Variants in DPP6 observed in about 807,000 individuals in gnomAD.
The protein encoded by DPP6 is dipeptidyl peptidase like 6, also known as A-type potassium channel modulatory protein DPP6.
In DPP6, 69 loss-of-function variants were observed where a neutral mutation model predicts 122.6. The ratio of observed to expected loss-of-function variants is 0.56; its 90% confidence interval spans 0.46 to 0.69. The LOEUF is 0.69. Among genes scored for constraint, DPP6 ranks in the 30% least tolerant of loss-of-function variants. The pLI, the probability that DPP6 is intolerant of heterozygous loss-of-function variation, is 0.00. For synonymous variants in DPP6, 418 were observed against 433.1 expected, an observed-to-expected ratio of 0.97 and a Z score of 0.43; for missense variants, 928 against 1,116.9, an observed-to-expected ratio of 0.83 and a Z score of 2.41.
intron 1 of DPP6, among the ~76,000 whole-genome samples, chr7:153,926,950 A>T (rs1800929657): frequency 6.6e-6 from 1 of 152,234 alleles, no homozygotes; most frequent in East Asian, 1.9e-4. Flanking sequence ...AAGAAATTCC[A>T]AAGTAAAAGT....
At chr7:154,717,648 G>A (rs548856410) in intron 7 of DPP6, among the ~76,000 whole-genome samples, 25 of 152,186 alleles carry the variant, frequency 1.6e-4, no homozygotes, top group African/African-American at 5.5e-4. Flanking sequence ...TTCATCCATC[G>A]ATGGACACTT....
chr7:154,893,190 A>C lies in DPP6; in HGVS notation c.*710A>C. 3.5e-6 allele frequency: 1 copy of C among 287,560 alleles called. No homozygotes were observed. The highest frequency in any genetic ancestry group is 5.4e-5 in the Admixed American group (1 of 18,402). The allele number at this position is 287,560 out of a possible 1,614,324, so 17.8% of individuals were successfully genotyped here. ...TTTCCTTTCTCCAGTCCACGTGTAG[A>C]CTTTGCGCTTGATGAAGAAGCAGAT... On this transcript the variant is annotated 3_prime_UTR_variant, in exon 26 of 26. Transcript: ENST00000377770.
rs891999630 is a variant in DPP6 at position 153,946,466 on chromosome 7, C to T, written c.51+58732C>T. 8.5e-5 allele frequency among the ~76,000 whole-genome samples: 13 copies of T among 152,064 alleles called. 1 individual carries two copies. The highest frequency in any genetic ancestry group is 8.5e-4 in the Admixed American group (13 of 15,254). On this transcript the variant is annotated intron_variant, in intron 1 of 25. Coordinates refer to the DPP6 transcript ENST00000404039. Reference sequence around the variant, plus strand: ...TTCAGCATGCGAATGCATTATAATTCAAGCAGTGAGGGGTCACTTTCATTG... The same window carrying T: ...TTCAGCATGCGAATGCATTATAATTTAAGCAGTGAGGGGTCACTTTCATTG...
At chr7:154,364,014 CTGT>C (rs1368570208) in intron 1 of DPP6, among the ~76,000 whole-genome samples, 6 of 152,206 alleles carry the variant, frequency 3.9e-5, no homozygotes, top group Non-Finnish European at 7.3e-5. Flanking sequence ...AGTGTGTTGT[CTGT>C]CCAGCCCTTT....
intron 3 of DPP6, among the ~76,000 whole-genome samples, chr7:154,499,464 A>G (rs1825038232): frequency 6.6e-6 from 1 of 152,188 alleles, no homozygotes; most frequent in Non-Finnish European, 1.5e-5. Flanking sequence ...ATGTCCCTGC[A>G]GTGTGAGGCC....
chr7:154,442,261 T>A (rs887592417), intron 1 of DPP6, among the ~76,000 whole-genome samples: 1 of 152,148 alleles, frequency 6.6e-6, no homozygotes, highest in East Asian at 1.9e-4. Context: ...GCCCCCCTGG[T>A]AATGACACAT....
chr7:154,537,993 A>T (rs901681449), intron 3 of DPP6, among the ~76,000 whole-genome samples: 5 of 152,164 alleles, frequency 3.3e-5, no homozygotes, highest in African/African-American at 9.7e-5. Flanking sequence ...ATGATATAAT[A>T]TAAATTACTG....
chr7:153,770,939 TAAAAG>T, the DPP6 span, among the ~76,000 whole-genome samples: 3 of 151,882 alleles, frequency 2.0e-5, no homozygotes, highest in Non-Finnish European at 4.4e-5. Flanking sequence ...AAAGCAAAAA[TAAAAG>T]GAACAGAGCA....
the DPP6 span, among the ~76,000 whole-genome samples, chr7:153,822,315 G>T: frequency 5.3e-4 from 80 of 150,200 alleles, no homozygotes; most frequent in Middle Eastern, 7.0e-3. Flanking sequence ...TCAGCCTCCC[G>T]AGTAGCTGGG....
chr7:154,602,267 T>G lies in DPP6; in HGVS notation c.627+35351T>G, dbSNP rs1321084774. On this transcript the variant is annotated intron_variant, in intron 5 of 25. Transcript: ENST00000377770. ...CCTACAGCAGTATTCTTCCATCATT[T>G]CACCATACCATCCTTTCTGATATTT... 1.6e-5 allele frequency among the ~76,000 whole-genome samples: 2 copies of G among 121,408 alleles called. 1 individual carries two copies. Among genetic ancestry groups the G allele is most frequent in the East Asian group, 7.0e-4 (2 of 2,838 alleles). The allele number at this position is 121,408 out of a possible 152,430, so 79.6% of individuals were successfully genotyped here.
rs116584823 is a variant in DPP6 at position 154,690,589 on chromosome 7, C to T, written c.762+21148C>T. Among the ~76,000 whole-genome samples the T allele has an allele frequency of 4.2e-3, 639 of 152,194 alleles. 4 individuals carry two copies. The highest frequency in any genetic ancestry group is 0.015 in the African/African-American group (605 of 41,526). ...TACAGCGAGAGAGGAATGATCCCAC[C>T]AGCTGGAAATAGAGAGGACTGCAAC... is the stretch of plus-strand genomic sequence containing the variant. On this transcript the variant is annotated intron_variant, in intron 7 of 25. Transcript: ENST00000377770.
At chr7:154,592,181 G>A (rs932025734) in intron 5 of DPP6, among the ~76,000 whole-genome samples, 1 of 152,216 alleles carries the variant, frequency 6.6e-6, no homozygotes, top group Non-Finnish European at 1.5e-5. Flanking sequence ...CATCATCGGT[G>A]CCCCAGCTAG....
chr7:154,062,098 A>C (rs1400741134), intron 1 of DPP6, among the ~76,000 whole-genome samples: 1 of 78,006 alleles, frequency 1.3e-5, no homozygotes, highest in Non-Finnish European at 2.7e-5. Context: ...CCCATCGCAG[A>C]GGGGGGACGC....
At chr7:154,450,445 G>A (rs534410392) in intron 2 of DPP6, among the ~76,000 whole-genome samples, 1 of 152,338 alleles carries the variant, frequency 6.6e-6, no homozygotes, top group African/African-American at 2.4e-5. Context: ...ATTAAGCTAT[G>A]AGTTTGATAA....
At chr7:154,411,766 G>A (rs1288341608) in intron 1 of DPP6, among the ~76,000 whole-genome samples, 1 of 152,094 alleles carries the variant, frequency 6.6e-6, no homozygotes, top group Non-Finnish European at 1.5e-5. Flanking sequence ...ACCTGGTATT[G>A]CTTGTGTGGA....
At chr7:154,096,988 G>T (rs527586374) in intron 1 of DPP6, among the ~76,000 whole-genome samples, 6 of 152,222 alleles carry the variant, frequency 3.9e-5, no homozygotes, top group Non-Finnish European at 5.9e-5. Context: ...GGTTTTGTTG[G>T]GTATTCACCG....
intron 1 of DPP6, among the ~76,000 whole-genome samples, chr7:153,944,663 G>GTTTTTTTTTTTTTTTTTTT (rs769081715): frequency 9.6e-6 from 1 of 103,952 alleles, no homozygotes. Context: ...TTTTTGTGTG[G>GTTTTTTTTTTTTTTTTTTT]GTTTTTTTTT....
upstream of DPP6, among the ~76,000 whole-genome samples, chr7:153,883,399 T>A (rs1263467742): frequency 6.6e-6 from 1 of 152,082 alleles, no homozygotes; most frequent in Admixed American, 6.6e-5. Context: ...TCTTTTTTTT[T>A]GAGACAGAGT....
chr7:153,891,018 ATTT>A (rs71182849), intron 1 of DPP6, among the ~76,000 whole-genome samples: 92 of 59,190 alleles, frequency 1.6e-3, no homozygotes, highest in Middle Eastern at 0.023. Flanking sequence ...TTCTATTTTA[ATTT>A]TTTTTTTTTT....
Sources: allele counts gnomAD v4.1 joint callset (sites outside exome capture counted in the v4.1 genomes callset), GRCh38; gene constraint gnomAD v4.1.1; transcripts MANE v1.5; gene names NCBI Gene and HGNC (gene_info 2026-07-23, HGNC 2026-07-21).